KLHL3: variants seen among roughly 807,000 people sequenced by gnomAD.
KLHL3 encodes kelch like family member 3, also known as kelch-like protein 3.
Under a neutral mutation model 70.5 loss-of-function variants are expected in KLHL3, and 19 were observed. The observed-to-expected ratio is 0.27, with a 90% confidence interval of 0.19 to 0.40. The LOEUF (loss-of-function observed/expected upper bound fraction) is 0.40, where lower values mean the gene tolerates loss of function less well. Ranked by LOEUF, KLHL3 falls within the 10% of genes least tolerant of loss-of-function variation. The pLI is 1.00. For synonymous variants in KLHL3, 258 were observed against 290.3 expected (o/e 0.89, Z 1.13); for missense variants, 512 against 771.1 (o/e 0.66, Z 3.98).
At chr5:137,625,717 G>T (rs1449538857) in intron 14 of KLHL3, 36 bp downstream of exon 14, 1 of 1,612,206 alleles carries the variant, frequency 6.2e-7, no homozygotes, top group South Asian at 1.1e-5. Flanking sequence ...TGTGTTGGAG[G>T]CCTCTCGGAT....
chr5:137,719,514 G>T (rs563697819), intron 2 of KLHL3, among the ~76,000 whole-genome samples: 6 of 152,362 alleles, frequency 3.9e-5, no homozygotes, highest in Non-Finnish European at 8.8e-5. Context: ...TGGTAAAGAA[G>T]AGATCGTGTC....
chr5:137,628,458 T>C (rs375304578), intron 12 of KLHL3, 21 bp from the exon 13 acceptor site: 16 of 1,613,860 alleles, frequency 9.9e-6, no homozygotes, highest in Middle Eastern at 1.7e-4. Flanking sequence ...GAGCACAGCA[T>C]CCCAGCCTCA....
intron 8 of KLHL3, among the ~76,000 whole-genome samples, chr5:137,651,842 G>A (rs1751209330): frequency 6.6e-6 from 1 of 152,178 alleles, no homozygotes; most frequent in Admixed American, 6.5e-5. Flanking sequence ...CATAGTATTG[G>A]TGTAAAGGTA....
At chr5:137,729,835 G>A (rs973244481) in intron 1 of KLHL3, among the ~76,000 whole-genome samples, 3 of 152,094 alleles carry the variant, frequency 2.0e-5, no homozygotes, top group African/African-American at 4.8e-5. Context: ...CCTGACTCTT[G>A]AAGATGTCCA....
intron 1 of KLHL3, among the ~76,000 whole-genome samples, chr5:137,732,613 G>A (rs1445429201): frequency 6.6e-6 from 1 of 152,018 alleles, no homozygotes; most frequent in Non-Finnish European, 1.5e-5. Context: ...TCATGGAAAT[G>A]GTTCTACATA....
chr5:137,734,486 T>C (rs2149941703), intron 1 of KLHL3, among the ~76,000 whole-genome samples: 1 of 152,288 alleles, frequency 6.6e-6, no homozygotes, highest in South Asian at 2.1e-4. Context: ...ATCATCATGC[T>C]AGTTCTAATA....
intron 6 of KLHL3, among the ~76,000 whole-genome samples, chr5:137,668,974 A>AT: frequency 6.6e-6 from 1 of 150,820 alleles, no homozygotes; most frequent in Non-Finnish European, 1.5e-5. Flanking sequence ...ACCCAGTTGA[A>AT]TTCTTCTTTC....
chr5:137,692,961 G>A (rs1160868380), intron 4 of KLHL3, among the ~76,000 whole-genome samples: 3 of 152,088 alleles, frequency 2.0e-5, no homozygotes, highest in Non-Finnish European at 2.9e-5. Flanking sequence ...ATGGAGTGTG[G>A]CCTGGACATT....
At chr5:137,628,602 A>G in intron 12 of KLHL3, 165 bp from the exon 13 acceptor site, 1 of 598,682 alleles carries the variant, frequency 1.7e-6, no homozygotes, top group East Asian at 2.9e-5. Flanking sequence ...AAATATAATG[A>G]CACCCTACCT....
intron 3 of KLHL3, among the ~76,000 whole-genome samples, chr5:137,703,087 A>G (rs890126271): frequency 5.9e-5 from 9 of 152,236 alleles, no homozygotes; most frequent in African/African-American, 2.2e-4. Context: ...GAGAATGAAA[A>G]TGGAATAGAT....
chr5:137,707,544 C>T (rs1752709137), intron 3 of KLHL3: 1 of 154,254 alleles, frequency 6.5e-6, no homozygotes, highest in Admixed American at 6.5e-5. Context: ...AAACCATACT[C>T]TTACCTAGAT....
chr5:137,715,873 A>G (rs1182886034), intron 2 of KLHL3, among the ~76,000 whole-genome samples: 2 of 152,200 alleles, frequency 1.3e-5, no homozygotes, highest in African/African-American at 4.8e-5. Flanking sequence ...AATCTTCTTA[A>G]CAAGCCAGCA....
chr5:137,723,660 A>C (rs1753038928), intron 1 of KLHL3, among the ~76,000 whole-genome samples: 1 of 152,222 alleles, frequency 6.6e-6, no homozygotes, highest in African/African-American at 2.4e-5. Flanking sequence ...CAGTCATATT[A>C]TCTGCATATA....
chr5:137,694,334 C>T (rs1371284673), intron 4 of KLHL3, among the ~76,000 whole-genome samples: 1 of 152,192 alleles, frequency 6.6e-6, no homozygotes. Flanking sequence ...TTCTGAACCA[C>T]TAATACATTC....
At position 137,621,987 on chromosome 5, in the gene KLHL3, C is replaced by T; in HGVS notation, c.*111G>A. The T allele has an allele frequency of 8.6e-7, 1 of 1,159,568 alleles. No individual in the cohort carries two copies. The highest frequency in any genetic ancestry group is 1.3e-6 in the Non-Finnish European group (1 of 767,496). 71.8% of individuals were successfully genotyped at this position (1,159,568 alleles called of 1,614,324 possible). On this transcript the variant is annotated 3_prime_UTR_variant, in exon 15 of 15. Transcript: ENST00000309755. ...CCAAGTCAGAGGAGAGCGGTTCTCA[C>T]AGCAGCACAGACCCTCCCAAGCAAG...
intron 8 of KLHL3, among the ~76,000 whole-genome samples, chr5:137,652,635 T>C (rs1173590582): frequency 2.0e-5 from 3 of 152,106 alleles, no homozygotes; most frequent in Admixed American, 6.5e-5. Flanking sequence ...AAGTAGAGAA[T>C]AGAATGGTGG....
Position 137,683,765 on chromosome 5 carries a change from TTCTCTCTC to T in KLHL3, c.527-6119_527-6112del, listed in dbSNP as rs10551182. 1.7e-4 allele frequency among the ~76,000 whole-genome samples: 25 copies of T among 150,174 alleles called. No homozygotes were observed. The East Asian group carries it at 3.5e-3, about 21-fold the overall frequency. On this transcript the variant is annotated intron_variant, in intron 5 of 14. Coordinates refer to ENST00000309755, the MANE Select transcript of KLHL3 (RefSeq NM_017415.3). ...TCTCTCTCTCTCTCTCTAGCTCTCT[TTCTCTCTC>T]TCTCTCTCTCTCACACACACACATG...
chr5:137,661,425 TAC>T (rs1343536650), intron 7 of KLHL3: 1 of 152,476 alleles, frequency 6.6e-6, no homozygotes, highest in African/African-American at 2.4e-5. Context: ...GCACCGTTTT[TAC>T]AGTCTTGAAT....
intron 1 of KLHL3, among the ~76,000 whole-genome samples, chr5:137,733,587 G>T (rs1413485371): frequency 1.3e-5 from 2 of 152,192 alleles, no homozygotes; most frequent in East Asian, 3.8e-4. Context: ...CAAACCAGAG[G>T]TATTAGAATT....
Sources: gnomAD v4.1 joint callset for allele counts (sites outside exome capture counted in the v4.1 genomes callset) on GRCh38, gnomAD v4.1.1 for gene constraint, MANE v1.5 for transcripts, NCBI Gene and HGNC (gene_info 2026-07-23, HGNC 2026-07-21) for gene names.